FAM178B: variants seen among roughly 807,000 people sequenced by gnomAD.
The protein encoded by FAM178B is protein FAM178B.
In FAM178B, 82 loss-of-function variants were observed where a neutral mutation model predicts 91.7. That is an observed-to-expected ratio of 0.89 (90% CI 0.75 to 1.07). FAM178B has a LOEUF of 1.07. Ranked by LOEUF, FAM178B falls within the 50% of genes least tolerant of loss-of-function variation. The pLI is 0.00. For synonymous variants in FAM178B, 368 were observed against 359.4 expected (o/e 1.02, Z -0.27); for missense variants, 769 against 846.7 (o/e 0.91, Z 1.14).
intron 1 of FAM178B, among the ~76,000 whole-genome samples, chr2:96,976,602 T>C (rs1218557981): frequency 6.6e-6 from 1 of 151,544 alleles, no homozygotes; most frequent in East Asian, 2.0e-4. Context: ...CTCAGTACTT[T>C]GGGAGGCCAA....
In FAM178B at chr2:96,912,070, G is replaced by C. The variant is rs949016023; in HGVS notation, c.1562+9095C>G. Among the ~76,000 whole-genome samples, 3 of 152,254 alleles carry C rather than the reference G, an allele frequency of 2.0e-5. No individual in the cohort carries two copies. In the East Asian group the frequency reaches 5.8e-4, roughly 29 times the overall value. Reference sequence around the variant, plus strand: ...CTCTGAAATGGATATTAGCAAGCAGGGAATTTACGTAGGGAGAGAGGATGC... The same window carrying C: ...CTCTGAAATGGATATTAGCAAGCAGCGAATTTACGTAGGGAGAGAGGATGC... On this transcript the variant is annotated intron_variant, in intron 12 of 16. Transcript: ENST00000490605.
Position 96,930,716 on chromosome 2 carries a change from A to G in FAM178B, c.1079-1396T>C, listed in dbSNP as rs565057777. 3.9e-5 allele frequency among the ~76,000 whole-genome samples: 6 copies of G among 152,344 alleles called. No homozygotes were observed. In the South Asian group the frequency reaches 1.2e-3, roughly 32 times the overall value. On this transcript the variant is annotated intron_variant, in intron 8 of 16. Transcript: ENST00000490605. ...GGTGCTATGTTCTGAGTGTTTATGT[A>G]TAGCCTCCAAAGCTCATATGTTGAA...
At chr2:96,919,826 C>T (rs375966201) in intron 12 of FAM178B, among the ~76,000 whole-genome samples, 40 of 152,296 alleles carry the variant, frequency 2.6e-4, no homozygotes, top group East Asian at 1.7e-3. Context: ...GCCTCTCTGC[C>T]AGCCAGATTC....
intron 5 of FAM178B, among the ~76,000 whole-genome samples, chr2:96,964,797 G>A (rs140232466): frequency 1.8e-4 from 27 of 152,244 alleles, no homozygotes; most frequent in Non-Finnish European, 3.1e-4. Flanking sequence ...CTCCTGTGCA[G>A]GGCACTGTGA....
intron 2 of FAM178B, 27 bp from the exon 3 acceptor site, chr2:96,972,349 C>A: frequency 6.8e-7 from 1 of 1,466,940 alleles, no homozygotes; most frequent in South Asian, 1.4e-5. Context: ...ATACTGTGGT[C>A]CCTCTGCCCA....
chr2:96,977,950 C>CGGGGGGGGGGGGGG, intron 1 of FAM178B: 2 of 229,318 alleles, frequency 8.7e-6, no homozygotes, highest in Non-Finnish European at 1.8e-5. Context: ...GTGGGGCGGG[C>CGGGGGGGGGGGGGG]GGGGGAGGGG....
At chr2:96,883,595 C>T (rs2080443418) in intron 14 of FAM178B, among the ~76,000 whole-genome samples, 1 of 152,248 alleles carries the variant, frequency 6.6e-6, no homozygotes, top group Admixed American at 6.5e-5. Context: ...TCCAGCTAGG[C>T]TCTGGGGCAG....
intron 14 of FAM178B, among the ~76,000 whole-genome samples, chr2:96,887,753 G>A (rs2080564259): frequency 6.6e-6 from 1 of 152,240 alleles, no homozygotes; most frequent in Non-Finnish European, 1.5e-5. Context: ...CCACAGCGTT[G>A]TCCAGGAAGA....
chr2:96,877,763 C>G, intron 16 of FAM178B, 127 bp downstream of exon 16: 1 of 933,096 alleles, frequency 1.1e-6, no homozygotes, highest in Non-Finnish European at 1.6e-6. Context: ...CCCCACATGC[C>G]CACTCCACCC....
intron 6 of FAM178B, among the ~76,000 whole-genome samples, chr2:96,956,198 T>A (rs1468192256): frequency 6.6e-6 from 1 of 152,202 alleles, no homozygotes; most frequent in African/African-American, 2.4e-5. Context: ...GCAGGAGCAT[T>A]GGATTTCCTT....
At chr2:96,924,478 TG>T (rs1433226760) in intron 9 of FAM178B, among the ~76,000 whole-genome samples, 1 of 152,186 alleles carries the variant, frequency 6.6e-6, no homozygotes, top group Non-Finnish European at 1.5e-5. Flanking sequence ...AGACCAGGGC[TG>T]GGGAAAGAAA....
At chr2:96,981,675 A>G (rs1194495681) in intron 1 of FAM178B, among the ~76,000 whole-genome samples, 2 of 143,296 alleles carry the variant, frequency 1.4e-5, no homozygotes, top group African/African-American at 5.2e-5. Flanking sequence ...TGGGAGGCGG[A>G]GCTTGCAGTG....
intron 12 of FAM178B, among the ~76,000 whole-genome samples, chr2:96,916,401 C>T (rs1460052563): frequency 2.0e-5 from 3 of 152,232 alleles, no homozygotes; most frequent in Non-Finnish European, 4.4e-5. Context: ...CTCCATCTGA[C>T]CAGGCAGCCT....
chr2:96,961,360 C>T (rs796795178), intron 5 of FAM178B, among the ~76,000 whole-genome samples: 5 of 152,024 alleles, frequency 3.3e-5, no homozygotes, highest in African/African-American at 1.2e-4. Flanking sequence ...CAAGCCTACA[C>T]ACATATGCAC....
At chr2:96,885,532 G>A (rs770499106) in intron 14 of FAM178B, among the ~76,000 whole-genome samples, 1 of 152,256 alleles carries the variant, frequency 6.6e-6, no homozygotes, top group Non-Finnish European at 1.5e-5. Context: ...GAGGGAAAGA[G>A]ATGGAAGGCT....
chr2:96,911,987 G>A (rs2081166873), intron 12 of FAM178B, among the ~76,000 whole-genome samples: 1 of 152,198 alleles, frequency 6.6e-6, no homozygotes. Context: ...TGTGCCTGGA[G>A]CTGAGGCCTC....
intron 12 of FAM178B, among the ~76,000 whole-genome samples, chr2:96,913,795 G>A (rs2081197941): frequency 6.6e-6 from 1 of 152,222 alleles, no homozygotes; most frequent in Non-Finnish European, 1.5e-5. Context: ...TCCCTGGCCA[G>A]AAAAGCCTGT....
chr2:96,912,681 T>C (rs1007309003), intron 12 of FAM178B, among the ~76,000 whole-genome samples: 1 of 152,142 alleles, frequency 6.6e-6, no homozygotes, highest in African/African-American at 2.4e-5. Context: ...CATGTCCCCC[T>C]CCTGGCGATC....
intron 14 of FAM178B, among the ~76,000 whole-genome samples, chr2:96,891,635 A>G (rs925184859): frequency 6.6e-6 from 1 of 152,218 alleles, no homozygotes; most frequent in Admixed American, 6.5e-5. Context: ...GGGATCAGTG[A>G]GGAGAGAAAG....
Sources: allele counts gnomAD v4.1 joint callset (sites outside exome capture counted in the v4.1 genomes callset), GRCh38; gene constraint gnomAD v4.1.1; transcripts MANE v1.5; gene names NCBI Gene and HGNC (gene_info 2026-07-23, HGNC 2026-07-21).